NISCH: variants seen among roughly 807,000 people sequenced by gnomAD.
NISCH encodes nischarin.
In NISCH, 55 loss-of-function variants were observed where a neutral mutation model predicts 138.4. The observed-to-expected ratio is 0.40, with a 90% confidence interval of 0.32 to 0.50. The LOEUF (loss-of-function observed/expected upper bound fraction) is 0.50, where lower values mean the gene tolerates loss of function less well. Among genes scored for constraint, NISCH ranks in the 20% least tolerant of loss-of-function variants. The pLI is 0.71. For missense variants in NISCH, 1,643 were observed against 2,005.5 expected (o/e 0.82, Z 3.45); for synonymous variants, 860 against 861.5 (o/e 1.00, Z 0.03).
chr3:52,481,803 C>T (rs1707283176), intron 13 of NISCH: 1 of 985,534 alleles, frequency 1.0e-6, no homozygotes, highest in Non-Finnish European at 1.2e-6. Context: ...CCCTTGTGCC[C>T]TGGGGACACT....
At chr3:52,480,509 A>G (rs1001722657) in intron 13 of NISCH, 4 of 1,516,576 alleles carry the variant, frequency 2.6e-6, no homozygotes, top group Admixed American at 4.3e-5. Context: ...GAGGACTCCC[A>G]ATTGCTCTGA....
At chr3:52,489,993 T>G (rs1177265485) in intron 17 of NISCH, 82 bp from the exon 18 acceptor site, 21 of 1,558,772 alleles carry the variant, frequency 1.3e-5, no homozygotes, top group Non-Finnish European at 1.8e-5. Context: ...TTCCCATGTC[T>G]CCTTGTGGAA....
chr3:52,469,514 C>G (rs1222366866), intron 3 of NISCH, among the ~76,000 whole-genome samples: 1 of 152,192 alleles, frequency 6.6e-6, no homozygotes, highest in East Asian at 1.9e-4. Context: ...CACCTGCAAT[C>G]CCAACAACTT....
chr3:52,471,316 G>A (rs779060142), intron 4 of NISCH: 54 of 281,812 alleles, frequency 1.9e-4, no homozygotes, highest in Middle Eastern at 1.1e-3. Context: ...GGAAGGATAC[G>A]GGGTCAGCGG....
rs569796084 is a variant in NISCH at position 52,487,532 on chromosome 3, T to A, written c.2040T>A (p.Asp680Glu). 3 of 1,606,968 alleles carry A rather than the reference T, an allele frequency of 1.9e-6. No individual in the cohort carries two copies. The highest frequency in any genetic ancestry group is 2.6e-6 in the Non-Finnish European group (3 of 1,175,152). Residue 680 changes from aspartate to glutamate, a missense_variant, in exon 16 of 21, where the codon GAT (aspartate) becomes GAA (glutamate). Asp to Glu is a conservative substitution (Grantham distance 45). Coordinates refer to ENST00000345716, the MANE Select transcript of NISCH (RefSeq NM_007184.4). This position sits in a 1 kb window ranked among gnomAD's most constrained non-coding sequence, Gnocchi z 9.1. ...QGEEEEEEEE[D>E]EEAEEERLAL... ...AGGAAGAGGAGGAGGAAGAGGAGGA[T>A]GAAGAGGCCGAGGAGGAGCGCCTGG...
Position 52,491,918 on chromosome 3 carries a change from T to C in NISCH, c.3951T>C (p.Phe1317=), listed in dbSNP as rs146000115. The C allele has an allele frequency of 6.2e-7, 1 of 1,612,468 alleles. No homozygotes were observed. Among genetic ancestry groups the C allele is most frequent in the African/African-American group, 1.3e-5 (1 of 74,922 alleles). Residue 1317 remains phenylalanine, a synonymous_variant, in exon 21 of 21, where the codon TTT becomes TTC. Coordinates refer to ENST00000345716, the MANE Select transcript of NISCH (RefSeq NM_007184.4). ...YELIHSSRVK[F]TYPSEEEIGD... is the part of the protein sequence containing the mutation. Reference sequence around the variant, plus strand: ...TGATCCACTCTAGTCGCGTCAAGTTTACCTACCCCAGTGAGGAGGAGATTG... The same window carrying C: ...TGATCCACTCTAGTCGCGTCAAGTTCACCTACCCCAGTGAGGAGGAGATTG...
chr3:52,481,733 G>A (rs1056796498), intron 13 of NISCH: 6 of 985,464 alleles, frequency 6.1e-6, no homozygotes, highest in Middle Eastern at 5.2e-4. Context: ...GGCTGCAGCT[G>A]CAGGCAGCCC....
At chr3:52,482,933 G>A (rs1423599002) in intron 13 of NISCH, among the ~76,000 whole-genome samples, 1 of 152,200 alleles carries the variant, frequency 6.6e-6, no homozygotes, top group East Asian at 1.9e-4. Context: ...GCGGGAGGAT[G>A]AGCCATGTGC....
At chr3:52,456,829 G>A (rs1185809310) in intron 1 of NISCH, among the ~76,000 whole-genome samples, 1 of 152,220 alleles carries the variant, frequency 6.6e-6, no homozygotes, top group Non-Finnish European at 1.5e-5. Flanking sequence ...AGAGGAGGGG[G>A]AAACTAGGTG....
Position 52,480,172 on chromosome 3 carries a change from A to T in NISCH, c.1417-12A>T. On this transcript the variant is annotated splice_polypyrimidine_tract_variant and intron_variant, in intron 12 of 20. Transcript: ENST00000345716. ...TCTTCTCTCCCGGGCTGACTCAAGC[A>T]CTCGTCCTCAGGGTGGTGAAGACTC... 6.2e-7 allele frequency: 1 copy of T among 1,613,452 alleles called. No homozygotes were observed. Among genetic ancestry groups the T allele is most frequent in the Non-Finnish European group, 8.5e-7 (1 of 1,179,880 alleles).
intron 3 of NISCH, 138 bp downstream of exon 3, chr3:52,458,982 G>A: frequency 1.6e-6 from 1 of 636,284 alleles, no homozygotes; most frequent in East Asian, 2.7e-5. Flanking sequence ...ACGTCACCCT[G>A]GTTAGGAATG....
Position 52,455,631 on chromosome 3 carries a change from G to A in NISCH, c.-11G>A. The stretch of plus-strand genomic sequence containing the variant: ...TCTGCGCCGGGCGGCGGTGGCGGCG[G>A]AGACCCGAACATGGCGACCGCGCGC... On this transcript the variant is annotated 5_prime_UTR_variant, in exon 1 of 21. Transcript: ENST00000345716. The A allele has an allele frequency of 7.5e-7, 1 of 1,325,176 alleles. No individual in the cohort carries two copies. Among genetic ancestry groups the A allele is most frequent in the African/African-American group, 1.5e-5 (1 of 66,384 alleles). 82.1% of individuals were successfully genotyped at this position (1,325,176 alleles called of 1,614,324 possible).
In NISCH at chr3:52,478,207, C is replaced by G. The variant is rs1578297630; in HGVS notation, c.1098C>G (p.Leu366=). The G allele has an allele frequency of 6.2e-7, 1 of 1,613,982 alleles. No homozygotes were observed. The highest frequency in any genetic ancestry group is 1.3e-5 in the African/African-American group (1 of 74,906). ...AGACCTTAAACCTGGCAGGCAACCTCCTAGAGAGTCTGAGTGGCCTGCACA... is the reference window on the plus strand; with the variant it reads ...AGACCTTAAACCTGGCAGGCAACCTGCTAGAGAGTCTGAGTGGCCTGCACA... ...NIKTLNLAGN[L]LESLSGLHKL... is the part of the protein sequence containing the mutation. The change falls in exon 10 of 21, where the codon CTC becomes CTG. Residue 366 remains leucine, a synonymous_variant. Coordinates refer to ENST00000345716, the MANE Select transcript of NISCH (RefSeq NM_007184.4).
intron 7 of NISCH, chr3:52,475,600 G>A (rs1707077614): frequency 6.6e-6 from 1 of 152,242 alleles, no homozygotes; most frequent in African/African-American, 2.4e-5. Context: ...AGCACTTTGG[G>A]AGGCCAAGGC....
chr3:52,492,008 C>T lies in NISCH; in HGVS notation c.4041C>T (p.Ile1347=). The T allele has an allele frequency of 6.2e-7, 1 of 1,613,424 alleles. No individual in the cohort carries two copies. The highest frequency in any genetic ancestry group is 8.5e-7 in the Non-Finnish European group (1 of 1,180,028). ...CAGAGAAGGCCCCAGCCCTCAGCAT[C>T]CTGCTGTACGTGCAGGCCTTCCAGG... ...AEPEKAPALS[I]LLYVQAFQVG... The change falls in exon 21 of 21, where the codon ATC becomes ATT. Residue 1347 remains isoleucine, a synonymous_variant. Coordinates refer to ENST00000345716, the MANE Select transcript of NISCH (RefSeq NM_007184.4).
chr3:52,490,525 G>A (rs528020846), intron 18 of NISCH, among the ~76,000 whole-genome samples, 180 bp from the exon 19 acceptor site: 15 of 152,320 alleles, frequency 9.8e-5, no homozygotes, highest in Admixed American at 4.6e-4. Context: ...CCTAGCCAGC[G>A]ACCTGGTGAC....
intron 1 of NISCH, among the ~76,000 whole-genome samples, chr3:52,456,802 T>G (rs1706486036): frequency 6.6e-6 from 1 of 152,186 alleles, no homozygotes; most frequent in Non-Finnish European, 1.5e-5. Context: ...GGAGGAGGCT[T>G]CAGCTCCATG....
In NISCH at chr3:52,488,418, G is replaced by A. The variant is rs778747380; in HGVS notation, c.2926G>A (p.Val976Met). 4 of 1,613,696 alleles carry A rather than the reference G, an allele frequency of 2.5e-6. No individual in the cohort carries two copies. The highest frequency in any genetic ancestry group is 1.3e-5 in the African/African-American group (1 of 74,950). The change falls in exon 16 of 21, where the codon GTG becomes ATG. Residue 976 changes from valine to methionine, a missense_variant. Transcript: ENST00000345716. ...FADGHVLELL[V>M]GYRFVTAIFV... ...TGATGGCCACGTGCTAGAGCTGCTC[G>A]TGGGGTACCGCTTTGTCACTGCCAT...
At chr3:52,460,221 T>C (rs1706595150) in intron 3 of NISCH, among the ~76,000 whole-genome samples, 1 of 108,658 alleles carries the variant, frequency 9.2e-6, no homozygotes, top group Admixed American at 9.7e-5. Flanking sequence ...AATCAAAGGG[T>C]ACAGCCAGGC....
Sources: allele counts gnomAD v4.1 joint callset (sites outside exome capture counted in the v4.1 genomes callset), GRCh38; gene constraint gnomAD v4.1.1; non-coding constraint Gnocchi (gnomAD v3.1); transcripts MANE v1.5; gene names NCBI Gene and HGNC (gene_info 2026-07-23, HGNC 2026-07-21).